AKAP6: variants seen among roughly 807,000 people sequenced by gnomAD.
The protein encoded by AKAP6 is A-kinase anchor protein 6.
A neutral mutation model predicts 188.5 loss-of-function variants in AKAP6; 58 were observed. That is an observed-to-expected ratio of 0.31 (90% CI 0.25 to 0.38). The LOEUF is 0.38. Among genes scored for constraint, AKAP6 ranks in the 10% least tolerant of loss-of-function variants. The probability of loss-of-function intolerance (pLI) is 1.00; values close to 1 mark genes in which losing one functional copy is unlikely to be tolerated. For missense variants in AKAP6, 2,710 were observed against 2,740.0 expected (o/e 0.99, Z 0.24); for synonymous variants, 989 against 998.6 (o/e 0.99, Z 0.18).
chr14:32,790,886 G>A (rs187827332), intron 12 of AKAP6, among the ~76,000 whole-genome samples: 1 of 152,226 alleles, frequency 6.6e-6, no homozygotes, highest in African/African-American at 2.4e-5. Flanking sequence ...TCCTGTTCCT[G>A]TGTTAGTCTG....
chr14:32,764,860 A>G (rs1594923925), intron 11 of AKAP6, among the ~76,000 whole-genome samples: 1 of 151,774 alleles, frequency 6.6e-6, no homozygotes, highest in African/African-American at 2.4e-5. Flanking sequence ...CCAAGAAAAT[A>G]TTATTTAAAA....
intron 1 of AKAP6, among the ~76,000 whole-genome samples, chr14:32,379,399 A>T (rs1888271105): frequency 6.6e-6 from 1 of 151,982 alleles, no homozygotes; most frequent in Admixed American, 6.6e-5. Flanking sequence ...CTGCTGTCTT[A>T]TTTTACACAG....
chr14:32,615,423 T>TTA (rs1253928378), intron 7 of AKAP6, among the ~76,000 whole-genome samples: 2 of 150,706 alleles, frequency 1.3e-5, no homozygotes, highest in South Asian at 2.1e-4. Flanking sequence ...TTTTTTTTTT[T>TTA]AACCTTCCTC....
At chr14:32,506,004 G>A (rs1181627191) in intron 2 of AKAP6, among the ~76,000 whole-genome samples, 3 of 152,088 alleles carry the variant, frequency 2.0e-5, no homozygotes, top group Non-Finnish European at 2.9e-5. Flanking sequence ...TGGGCTAAGC[G>A]TCGTGGCATG....
At chr14:32,738,595 T>C (rs938064792) in intron 11 of AKAP6, among the ~76,000 whole-genome samples, 11 of 152,296 alleles carry the variant, frequency 7.2e-5, no homozygotes, top group African/African-American at 2.2e-4. Flanking sequence ...TATGTGTGGG[T>C]ATTTATCTTT....
intron 3 of AKAP6, among the ~76,000 whole-genome samples, chr14:32,538,620 G>T (rs1447302481): frequency 6.6e-6 from 1 of 151,844 alleles, no homozygotes; most frequent in Non-Finnish European, 1.5e-5. Flanking sequence ...AACAAATAAA[G>T]AACACTTGAA....
intron 12 of AKAP6, among the ~76,000 whole-genome samples, chr14:32,779,052 T>C (rs1362401192): frequency 2.0e-5 from 3 of 151,942 alleles, no homozygotes; most frequent in Non-Finnish European, 4.4e-5. Flanking sequence ...AAAGGAACAA[T>C]GATCGGATTA....
chr14:32,389,485 C>T (rs1002252524), intron 1 of AKAP6, among the ~76,000 whole-genome samples: 13 of 151,770 alleles, frequency 8.6e-5, no homozygotes, highest in South Asian at 2.1e-4. Flanking sequence ...GCTGTGTTTC[C>T]AGGATTTGTT....
intron 8 of AKAP6, among the ~76,000 whole-genome samples, chr14:32,683,988 C>T (rs996127863): frequency 7.2e-5 from 11 of 152,250 alleles, no homozygotes; most frequent in Admixed American, 2.0e-4. Flanking sequence ...AATGGACCTC[C>T]GTATTTCAGA....
At chr14:32,479,003 G>T (rs1024135655) in intron 2 of AKAP6, among the ~76,000 whole-genome samples, 19 of 152,100 alleles carry the variant, frequency 1.2e-4, no homozygotes, top group Non-Finnish European at 1.9e-4. Context: ...CATGTTAAAG[G>T]ACTCCTAGGA....
intron 9 of AKAP6, among the ~76,000 whole-genome samples, chr14:32,719,321 C>A (rs116129292): frequency 6.6e-6 from 1 of 152,206 alleles, no homozygotes; most frequent in African/African-American, 2.4e-5. Flanking sequence ...AGTCCTTAGT[C>A]CTTGGGGAAT....
rs1324289019 is a variant in AKAP6, at chr14:32,329,635, T to C, written c.-35+227T>C. ...ATTCTTGCTCCAGCTCTGTCTGTTA[T>C]TTTTAAGTGTTCTTACAGAATTTTT... On this transcript the variant is annotated intron_variant, in intron 1 of 13. Transcript: ENST00000280979. 2.6e-5 allele frequency among the ~76,000 whole-genome samples: 4 copies of C among 152,130 alleles called. No individual in the cohort carries two copies. In the East Asian group the frequency reaches 5.8e-4, roughly 22 times the overall value.
At chr14:32,494,344 T>C (rs1353666119) in intron 2 of AKAP6, 1 of 152,212 alleles carries the variant, frequency 6.6e-6, no homozygotes, top group Non-Finnish European at 1.5e-5. Context: ...GGATTCAGAA[T>C]GCTCAGTGCT....
At chr14:32,684,875 T>C (rs1041312539) in intron 8 of AKAP6, among the ~76,000 whole-genome samples, 4 of 152,168 alleles carry the variant, frequency 2.6e-5, no homozygotes, top group African/African-American at 9.7e-5. Context: ...TAGTATGAGA[T>C]GCTAGCAATG....
intron 13 of AKAP6, among the ~76,000 whole-genome samples, chr14:32,826,531 C>A (rs1053544731): frequency 3.9e-5 from 6 of 152,152 alleles, no homozygotes; most frequent in African/African-American, 1.2e-4. Context: ...GGGATAAAGG[C>A]TTGAAAGCAA....
At chr14:32,587,662 C>T (rs1476988882) in intron 5 of AKAP6, among the ~76,000 whole-genome samples, 1 of 152,210 alleles carries the variant, frequency 6.6e-6, no homozygotes, top group Non-Finnish European at 1.5e-5. Flanking sequence ...CAGCCGTTCT[C>T]TTTTTGAGGC....
chr14:32,460,767 T>C (rs894877226), intron 2 of AKAP6, among the ~76,000 whole-genome samples: 22 of 152,190 alleles, frequency 1.4e-4, no homozygotes, highest in Middle Eastern at 3.2e-3. Context: ...AGCCAAGTGG[T>C]CTTGCTCAGC....
chr14:32,605,213 A>G (rs1448192144), intron 7 of AKAP6, among the ~76,000 whole-genome samples: 10 of 152,224 alleles, frequency 6.6e-5, no homozygotes, highest in Non-Finnish European at 1.5e-4. Context: ...AGAGATAGGA[A>G]CAAAGTGCTA....
At chr14:32,443,724 A>T (rs1192949745) in intron 2 of AKAP6, among the ~76,000 whole-genome samples, 1 of 152,188 alleles carries the variant, frequency 6.6e-6, no homozygotes, top group Non-Finnish European at 1.5e-5. Context: ...CAGTTTTTCA[A>T]GTAACTTCAT....
Sources: gnomAD v4.1 joint callset for allele counts (sites outside exome capture counted in the v4.1 genomes callset) on GRCh38, gnomAD v4.1.1 for gene constraint, MANE v1.5 for transcripts, NCBI Gene and HGNC (gene_info 2026-07-23, HGNC 2026-07-21) for gene names.